Variants in IGSF10 observed in about 807,000 individuals in gnomAD.
The protein encoded by IGSF10 is calvaria mechanical force protein 608.
IGSF10 carries 126 observed loss-of-function variants against 128.2 expected under a neutral mutation model. That is an observed-to-expected ratio of 0.98 (90% confidence interval 0.85 to 1.14). The LOEUF (loss-of-function observed/expected upper bound fraction) is 1.14. Among genes scored for constraint, IGSF10 ranks in the 50% most tolerant of loss-of-function variants. The pLI, the probability that IGSF10 is intolerant of heterozygous loss-of-function variation, is 0.00. For missense variants in IGSF10, 3,295 were observed against 3,149.8 expected (o/e 1.05, Z -1.10); for synonymous variants, 1,185 against 1,146.2 (o/e 1.03, Z -0.68).
chr3:151,444,093 GT>G (rs1408486271), intron 6 of IGSF10, among the ~76,000 whole-genome samples: 2 of 152,140 alleles, frequency 1.3e-5, no homozygotes, highest in African/African-American at 2.4e-5. Context: ...TGGAAACATA[GT>G]GAGACCCTGT....
the IGSF10 span, among the ~76,000 whole-genome samples, chr3:151,512,510 G>A: frequency 1.3e-5 from 2 of 152,184 alleles, no homozygotes; most frequent in Admixed American, 1.3e-4. Context: ...AGAGAAAGCA[G>A]GAAAGATCTA....
the IGSF10 span, among the ~76,000 whole-genome samples, chr3:151,479,302 T>C: frequency 1.3e-5 from 2 of 152,198 alleles, no homozygotes; most frequent in Admixed American, 6.5e-5. Flanking sequence ...GGGTGACTCC[T>C]GCACATATTG....
the IGSF10 span, among the ~76,000 whole-genome samples, chr3:151,534,668 G>A: frequency 1.3e-5 from 2 of 151,880 alleles, no homozygotes; most frequent in Non-Finnish European, 2.9e-5. Flanking sequence ...GTGGGGAGCT[G>A]GGGGAGGGGT....
chr3:151,536,827 G>A, the IGSF10 span, among the ~76,000 whole-genome samples: 1 of 152,096 alleles, frequency 6.6e-6, no homozygotes, highest in Non-Finnish European at 1.5e-5. Context: ...TTAACTATGT[G>A]AACTACTTCT....
Position 151,448,352 on chromosome 3 carries a change from ACTAT to A in IGSF10, c.1625_1628del (p.Asp542ValfsTer10), listed in dbSNP as rs781060204. 1 of 1,614,186 alleles carries A rather than the reference ACTAT, an allele frequency of 6.2e-7. No homozygotes were observed. Among genetic ancestry groups the A allele is most frequent in the East Asian group, 2.2e-5 (1 of 44,876 alleles). On this transcript the variant is annotated frameshift_variant, in exon 6 of 8. Coordinates refer to ENST00000282466, the MANE Select transcript of IGSF10 (RefSeq NM_178822.5). LOFTEE classifies it high-confidence loss of function. ...TACAGTGATATACGCCTGTGTCAAA[ACTAT>A]CAGCCATCTGGAGTTCCAATTTTCC...
intron 3 of IGSF10, among the ~76,000 whole-genome samples, chr3:151,458,073 T>C (rs2108577236): frequency 6.6e-6 from 1 of 152,136 alleles, no homozygotes; most frequent in South Asian, 2.1e-4. Flanking sequence ...TAAATAAGTT[T>C]GTATGGAAAG....
At chr3:151,537,341 C>T in the IGSF10 span, among the ~76,000 whole-genome samples, 40 of 152,112 alleles carry the variant, frequency 2.6e-4, no homozygotes, top group African/African-American at 9.4e-4. Context: ...TGACTTTCCC[C>T]TGAAGTCTGA....
At chr3:151,566,742 T>G in the IGSF10 span, among the ~76,000 whole-genome samples, 1 of 152,224 alleles carries the variant, frequency 6.6e-6, no homozygotes, top group Non-Finnish European at 1.5e-5. Flanking sequence ...GTGAGCAGCA[T>G]TCGGTACTAC....
At chr3:151,545,401 A>G in the IGSF10 span, among the ~76,000 whole-genome samples, 2 of 152,230 alleles carry the variant, frequency 1.3e-5, no homozygotes, top group Admixed American at 1.3e-4. Context: ...GCTCAGTTTC[A>G]CAGTGAAGAA....
At chr3:151,450,017 G>A (rs1721435845) in intron 5 of IGSF10, among the ~76,000 whole-genome samples, 1 of 152,178 alleles carries the variant, frequency 6.6e-6, no homozygotes, top group Non-Finnish European at 1.5e-5. Context: ...TCAGGTTTAA[G>A]GGGGAGGGAA....
At chr3:151,511,715 A>G in the IGSF10 span, among the ~76,000 whole-genome samples, 2 of 152,242 alleles carry the variant, frequency 1.3e-5, no homozygotes, top group Non-Finnish European at 1.5e-5. Flanking sequence ...TGTATTCAGG[A>G]AAACCATCTC....
Position 151,446,323 on chromosome 3 carries a change from T to C in IGSF10, c.3658A>G (p.Arg1220Gly), listed in dbSNP as rs376227651. 1.2e-6 allele frequency: 2 copies of C among 1,614,066 alleles called. No homozygotes were observed. ...TGTAAACTAACTTTATGTTGATTCC[T>C]TAATCTGCCTTTTGGGTTATGGTTA... is the stretch of plus-strand genomic sequence containing the variant. Reference protein sequence around the residue: ...VNNHNPKGRLRNQHKVSLQKS... With the variant: ...VNNHNPKGRLGNQHKVSLQKS... The change falls in exon 6 of 8, where the codon AGG becomes GGG. Residue 1220 changes from arginine (R) to glycine (G), a missense_variant. Transcript: ENST00000282466.
the IGSF10 span, among the ~76,000 whole-genome samples, chr3:151,501,502 T>G: frequency 1.3e-5 from 2 of 152,056 alleles, no homozygotes; most frequent in African/African-American, 4.8e-5. Context: ...CATTCAAGGA[T>G]CTATTCAAGT....
At chr3:151,493,698 A>T in the IGSF10 span, among the ~76,000 whole-genome samples, 1 of 152,156 alleles carries the variant, frequency 6.6e-6, no homozygotes, top group South Asian at 2.1e-4. Context: ...ATACTCTATA[A>T]TGTTCATATA....
chr3:151,606,001 G>A, the IGSF10 span, among the ~76,000 whole-genome samples: 1,392 of 152,232 alleles, frequency 9.1e-3, 13 homozygotes, highest in Non-Finnish European at 0.013. Context: ...TGATGCTGCT[G>A]GTCCAGAGAC....
chr3:151,595,148 C>A, the IGSF10 span, among the ~76,000 whole-genome samples: 1 of 151,986 alleles, frequency 6.6e-6, no homozygotes. Flanking sequence ...AAATAGGAAT[C>A]CTTGCACACT....
At chr3:151,571,554 T>A in the IGSF10 span, among the ~76,000 whole-genome samples, 1 of 152,190 alleles carries the variant, frequency 6.6e-6, no homozygotes, top group Admixed American at 6.5e-5. Context: ...TGCTTGTGAT[T>A]TTTGCACATT....
At chr3:151,509,682 G>A in the IGSF10 span, among the ~76,000 whole-genome samples, 15 of 152,236 alleles carry the variant, frequency 9.9e-5, no homozygotes, top group East Asian at 1.3e-3. Context: ...GCGAGGCATC[G>A]CCTCACCCGG....
At chr3:151,567,511 G>C in the IGSF10 span, among the ~76,000 whole-genome samples, 1 of 151,952 alleles carries the variant, frequency 6.6e-6, no homozygotes, top group Non-Finnish European at 1.5e-5. Context: ...TGGCATCTTG[G>C]GCCTCACAGA....
Sources: gnomAD v4.1 joint callset for allele counts (sites outside exome capture counted in the v4.1 genomes callset) on GRCh38, gnomAD v4.1.1 for gene constraint, MANE v1.5 for transcripts, NCBI Gene and HGNC (gene_info 2026-07-23, HGNC 2026-07-21) for gene names.